Variants in NKAIN2 observed in about 807,000 individuals in gnomAD.
NKAIN2 encodes sodium/potassium transporting ATPase interacting 2, also known as sodium/potassium-transporting ATPase subunit beta-1-interacting protein 2.
Under a neutral mutation model 32.6 loss-of-function variants are expected in NKAIN2, and 14 were observed. The ratio of observed to expected loss-of-function variants is 0.43; its 90% confidence interval spans 0.28 to 0.67. The LOEUF is 0.67. NKAIN2 is among the 30% of genes least tolerant of loss of function. The pLI is 0.17. For synonymous variants in NKAIN2, 80 were observed against 87.2 expected (o/e 0.92, Z 0.46); for missense variants, 198 against 258.3 (o/e 0.77, Z 1.60).
At chr6:124,604,849 A>G (rs995832911) in intron 3 of NKAIN2, among the ~76,000 whole-genome samples, 1 of 151,952 alleles carries the variant, frequency 6.6e-6, no homozygotes, top group Non-Finnish European at 1.5e-5. Context: ...CTTTGACATT[A>G]TTCCCTACAA....
At chr6:124,402,163 C>G (rs1462709389) in intron 3 of NKAIN2, among the ~76,000 whole-genome samples, 5 of 152,032 alleles carry the variant, frequency 3.3e-5, no homozygotes, top group Admixed American at 1.3e-4. Context: ...CAGCCCCCAC[C>G]CCACCAAGAC....
intron 3 of NKAIN2, among the ~76,000 whole-genome samples, chr6:124,412,318 T>C (rs1774232663): frequency 6.6e-6 from 1 of 152,172 alleles, no homozygotes; most frequent in Non-Finnish European, 1.5e-5. Context: ...TATCTACTTT[T>C]GGTCTTTGAT....
chr6:124,170,938 T>G (rs1253470421), intron 1 of NKAIN2, among the ~76,000 whole-genome samples: 1 of 152,214 alleles, frequency 6.6e-6, no homozygotes, highest in Non-Finnish European at 1.5e-5. Context: ...AGCTTACCTT[T>G]TCACTCTGGT....
At chr6:124,525,908 A>G (rs943003146) in intron 3 of NKAIN2, among the ~76,000 whole-genome samples, 4 of 152,164 alleles carry the variant, frequency 2.6e-5, no homozygotes, top group African/African-American at 7.2e-5. Flanking sequence ...CCTTAAGAAA[A>G]CTTACCAAGC....
chr6:124,654,382 C>G (rs577930814), intron 3 of NKAIN2, among the ~76,000 whole-genome samples: 1 of 151,842 alleles, frequency 6.6e-6, no homozygotes, highest in East Asian at 1.9e-4. Flanking sequence ...TACTTGTCAT[C>G]CAGACAATAG....
At chr6:124,779,329 A>AAGGC (rs1779150879) in intron 4 of NKAIN2, among the ~76,000 whole-genome samples, 1 of 103,224 alleles carries the variant, frequency 9.7e-6, no homozygotes, top group African/African-American at 3.9e-5. Context: ...GGAAGGAAGG[A>AAGGC]AGGAAGGAAG....
chr6:124,497,019 G>A (rs749138628), intron 3 of NKAIN2, among the ~76,000 whole-genome samples: 7 of 152,010 alleles, frequency 4.6e-5, no homozygotes, highest in Admixed American at 6.6e-5. Flanking sequence ...ATCTCACTGC[G>A]GCCAGAAGCC....
At chr6:124,466,280 A>G (rs1776752106) in intron 3 of NKAIN2, among the ~76,000 whole-genome samples, 1 of 152,178 alleles carries the variant, frequency 6.6e-6, no homozygotes, top group African/African-American at 2.4e-5. Flanking sequence ...GTGAGAGAAC[A>G]AGCTACTCTA....
At chr6:124,334,514 G>A (rs1276940913) in intron 2 of NKAIN2, among the ~76,000 whole-genome samples, 1 of 149,258 alleles carries the variant, frequency 6.7e-6, no homozygotes, top group East Asian at 2.0e-4. Context: ...GATTGGTCAG[G>A]CTGTAGCTGT....
intron 3 of NKAIN2, among the ~76,000 whole-genome samples, chr6:124,360,804 G>A (rs988710566): frequency 6.6e-6 from 1 of 152,154 alleles, no homozygotes; most frequent in African/African-American, 2.4e-5. Context: ...TTAGCAGTGT[G>A]TAACTTCCTG....
At chr6:124,726,202 C>A (rs1776295429) in intron 4 of NKAIN2, among the ~76,000 whole-genome samples, 1 of 152,210 alleles carries the variant, frequency 6.6e-6, no homozygotes, top group Admixed American at 6.5e-5. Flanking sequence ...GGGCGGAGCC[C>A]ACCACAGCTC....
At chr6:124,409,211 C>G (rs1403637933) in intron 3 of NKAIN2, among the ~76,000 whole-genome samples, 2 of 152,106 alleles carry the variant, frequency 1.3e-5, no homozygotes, top group African/African-American at 4.8e-5. Context: ...ATTGCCCTGG[C>G]CAGAACTTCC....
chr6:124,135,900 A>G (rs1311252077), intron 1 of NKAIN2, among the ~76,000 whole-genome samples: 1 of 152,176 alleles, frequency 6.6e-6, no homozygotes, highest in Non-Finnish European at 1.5e-5. Flanking sequence ...AAGAAAGGCC[A>G]TAGCATTAAA....
At position 124,134,832 on chromosome 6, in the gene NKAIN2, C is replaced by T. The variant is rs184050305; in HGVS notation, c.55-148173C>T. Among the ~76,000 whole-genome samples the T allele has an allele frequency of 3.9e-5, 6 of 152,152 alleles. No homozygotes were observed. In the East Asian group the frequency reaches 5.8e-4, roughly 15 times the overall value. On this transcript the variant is annotated intron_variant, in intron 1 of 6. Transcript: ENST00000368417. Reference sequence around the variant, plus strand: ...AGTTGTGAAAAGATTATCACCTAGGCATATAGACATCAGGTTATCTAAAGT... The same window carrying T: ...AGTTGTGAAAAGATTATCACCTAGGTATATAGACATCAGGTTATCTAAAGT...
intron 4 of NKAIN2, among the ~76,000 whole-genome samples, chr6:124,714,997 A>G (rs1208018424): frequency 1.3e-5 from 2 of 152,144 alleles, no homozygotes; most frequent in Non-Finnish European, 2.9e-5. Flanking sequence ...AATGATTCAG[A>G]GAGTGCTGAG....
chr6:123,955,903 T>C (rs1279530223), intron 1 of NKAIN2, among the ~76,000 whole-genome samples: 1 of 152,130 alleles, frequency 6.6e-6, no homozygotes, highest in Non-Finnish European at 1.5e-5. Context: ...GCCGGGATTA[T>C]AGGAGTGAGC....
chr6:124,136,182 A>C (rs1786775317), intron 1 of NKAIN2, among the ~76,000 whole-genome samples: 1 of 152,206 alleles, frequency 6.6e-6, no homozygotes, highest in African/African-American at 2.4e-5. Context: ...AGTAAACAAA[A>C]TGGGAGATAT....
intron 1 of NKAIN2, among the ~76,000 whole-genome samples, chr6:124,106,787 G>A (rs1397650311): frequency 1.3e-5 from 2 of 152,132 alleles, no homozygotes; most frequent in Non-Finnish European, 2.9e-5. Context: ...TATTTACAGA[G>A]TACCTCCTAT....
intron 1 of NKAIN2, among the ~76,000 whole-genome samples, chr6:123,925,272 A>G (rs1233761293): frequency 1.3e-5 from 2 of 152,236 alleles, no homozygotes; most frequent in African/African-American, 4.8e-5. Context: ...AATATAAAAC[A>G]TTGTGTATAA....
Sources: allele counts gnomAD v4.1 joint callset (sites outside exome capture counted in the v4.1 genomes callset), GRCh38; gene constraint gnomAD v4.1.1; transcripts MANE v1.5; gene names NCBI Gene and HGNC (gene_info 2026-07-23, HGNC 2026-07-21).